FOXN3: variants seen among roughly 807,000 people sequenced by gnomAD.
FOXN3 encodes the protein forkhead box protein N3.
A neutral mutation model predicts 38.4 loss-of-function variants in FOXN3; 7 were observed. The observed-to-expected ratio is 0.18, with a 90% CI of 0.10 to 0.34. FOXN3 has a LOEUF of 0.34. FOXN3 is among the 10% of genes least tolerant of loss of function. The pLI is 1.00. For missense variants in FOXN3, 456 were observed against 613.4 expected, an observed-to-expected ratio of 0.74 and a Z score of 2.71; for synonymous variants, 230 against 242.2, an observed-to-expected ratio of 0.95 and a Z score of 0.47.
At chr14:89,468,136 T>C (rs1893018528) in intron 1 of FOXN3, among the ~76,000 whole-genome samples, 1 of 151,846 alleles carries the variant, frequency 6.6e-6, no homozygotes, top group Non-Finnish European at 1.5e-5. Context: ...CTTCAGGCAA[T>C]AAGCAAAGTT....
intron 1 of FOXN3, among the ~76,000 whole-genome samples, chr14:89,614,515 C>T (rs1296470989): frequency 3.3e-5 from 5 of 152,180 alleles, no homozygotes; most frequent in Non-Finnish European, 7.3e-5. Context: ...TTCCTGCTCA[C>T]TATGAGCACA....
At chr14:89,423,657 G>T (rs571573700) in intron 1 of FOXN3, among the ~76,000 whole-genome samples, 4 of 152,080 alleles carry the variant, frequency 2.6e-5, no homozygotes, top group Admixed American at 6.6e-5. Flanking sequence ...ATGAAAAGAC[G>T]CTCAAAACTG....
intron 4 of FOXN3, among the ~76,000 whole-genome samples, chr14:89,188,999 T>G (rs8006704): frequency 6.6e-4 from 101 of 152,182 alleles, no homozygotes; most frequent in African/African-American, 2.2e-3. Context: ...CAGCCCAACA[T>G]TGCAATGGCT....
At chr14:89,434,760 C>G (rs1892239117) in intron 1 of FOXN3, among the ~76,000 whole-genome samples, 1 of 152,166 alleles carries the variant, frequency 6.6e-6, no homozygotes, top group Admixed American at 6.6e-5. Context: ...CCTACTACCA[C>G]AAGGACAAAA....
intron 1 of FOXN3, among the ~76,000 whole-genome samples, chr14:89,575,838 C>T (rs906619317): frequency 2.0e-5 from 3 of 152,238 alleles, no homozygotes; most frequent in African/African-American, 7.2e-5. Flanking sequence ...GCTCCCAATG[C>T]TGGGCTGGGG....
intron 1 of FOXN3, among the ~76,000 whole-genome samples, chr14:89,471,311 A>G (rs2139745153): frequency 6.6e-6 from 1 of 152,270 alleles, no homozygotes; most frequent in South Asian, 2.1e-4. Context: ...GATGTAAAGA[A>G]TTCTCCTGGG....
chr14:89,288,760 ATATATATATG>A (rs1254885045), intron 3 of FOXN3, among the ~76,000 whole-genome samples: 25 of 88,762 alleles, frequency 2.8e-4, no homozygotes, highest in African/African-American at 9.7e-4. Flanking sequence ...ATATATATAT[ATATATATATG>A]CTTGCACTGG....
chr14:89,161,276 G>C lies in FOXN3; in HGVS notation c.*1138C>G, dbSNP rs535786672. 6.6e-6 allele frequency: 1 copy of C among 152,278 alleles called. No individual in the cohort carries two copies. The highest frequency in any genetic ancestry group is 6.6e-5 in the Admixed American group (1 of 15,254). The allele number at this position is 152,278 out of a possible 1,614,324, so 9.4% of individuals were successfully genotyped here. ...CAAACTCCATTTTGAGGGCAGTATA[G>C]GAGTTATTTTATTTTTTGCCATGTT... On this transcript the variant is annotated 3_prime_UTR_variant, in exon 6 of 6. Coordinates refer to ENST00000557258, the MANE Select transcript of FOXN3 (RefSeq NM_005197.4).
intron 5 of FOXN3, among the ~76,000 whole-genome samples, chr14:89,172,464 G>T (rs1481875567): frequency 1.3e-5 from 2 of 152,202 alleles, no homozygotes; most frequent in East Asian, 1.9e-4. Context: ...ATAATAGGGT[G>T]TCTTTTCTTT....
chr14:89,307,585 T>C (rs1011973597), intron 3 of FOXN3, among the ~76,000 whole-genome samples: 16 of 152,214 alleles, frequency 1.1e-4, no homozygotes, highest in African/African-American at 3.9e-4. Flanking sequence ...AAAGGTCTCT[T>C]TGCTTTTGCT....
chr14:89,220,490 T>C (rs976335016), intron 4 of FOXN3, among the ~76,000 whole-genome samples: 1 of 152,222 alleles, frequency 6.6e-6, no homozygotes, highest in African/African-American at 2.4e-5. Flanking sequence ...CAATGCAAGC[T>C]GTGTGCTGGT....
intron 4 of FOXN3, among the ~76,000 whole-genome samples, chr14:89,211,204 A>G (rs1022236191): frequency 6.6e-6 from 1 of 152,254 alleles, no homozygotes; most frequent in African/African-American, 2.4e-5. Context: ...CTGAGCCCAG[A>G]TTCAAAGCAA....
In FOXN3 at chr14:89,280,806, C is replaced by T. The variant is rs1055512779; in HGVS notation, c.745+144G>A. ...AATAAAGAGAACTGGACAAATAGTCCCCACCCACAACAGTCACACTTCTCC... is the reference window on the plus strand; with the variant it reads ...AATAAAGAGAACTGGACAAATAGTCTCCACCCACAACAGTCACACTTCTCC... On this transcript the variant is annotated intron_variant, in intron 4 of 5. Coordinates refer to ENST00000557258, the MANE Select transcript of FOXN3 (RefSeq NM_005197.4). 9.5e-6 allele frequency: 6 copies of T among 630,996 alleles called. No individual in the cohort carries two copies. The African/African-American group carries it at 1.1e-4, about 12-fold the overall frequency. The allele number at this position is 630,996 out of a possible 1,614,324, so 39.1% of individuals were successfully genotyped here. A position where few individuals can be genotyped will look rare whatever the true frequency, so the allele number is the denominator to read the frequency against.
At chr14:89,354,607 C>G (rs1889129128) in intron 2 of FOXN3, among the ~76,000 whole-genome samples, 1 of 149,176 alleles carries the variant, frequency 6.7e-6, no homozygotes, top group Admixed American at 6.6e-5. Flanking sequence ...GTAATCCCAG[C>G]ACTTTGGGAG....
intron 1 of FOXN3, among the ~76,000 whole-genome samples, chr14:89,518,923 G>A (rs1292965602): frequency 6.6e-6 from 1 of 152,218 alleles, no homozygotes; most frequent in East Asian, 1.9e-4. Flanking sequence ...GCTGAGGCAG[G>A]AGAATCGCTT....
chr14:89,465,697 G>C (rs1403665098), intron 1 of FOXN3, among the ~76,000 whole-genome samples: 1 of 152,170 alleles, frequency 6.6e-6, no homozygotes, highest in African/African-American at 2.4e-5. Context: ...CCTCCAACTT[G>C]AGCTATTTAT....
intron 4 of FOXN3, among the ~76,000 whole-genome samples, chr14:89,181,685 C>T (rs868510275): frequency 6.6e-6 from 1 of 152,232 alleles, no homozygotes; most frequent in Non-Finnish European, 1.5e-5. Flanking sequence ...CCAAGATCTC[C>T]ACACCAGCCT....
At chr14:89,532,756 T>A (rs1187625911) in intron 1 of FOXN3, among the ~76,000 whole-genome samples, 1 of 152,204 alleles carries the variant, frequency 6.6e-6, no homozygotes, top group Non-Finnish European at 1.5e-5. Flanking sequence ...AACCAGATGA[T>A]TATTTTGAAT....
intron 1 of FOXN3, among the ~76,000 whole-genome samples, chr14:89,515,787 C>T (rs749233921): frequency 2.6e-5 from 4 of 152,024 alleles, no homozygotes; most frequent in Admixed American, 6.6e-5. Flanking sequence ...ATTAAAATAA[C>T]GTGTATGGAA....
Sources: allele counts gnomAD v4.1 joint callset (sites outside exome capture counted in the v4.1 genomes callset), GRCh38; gene constraint gnomAD v4.1.1; transcripts MANE v1.5; gene names NCBI Gene and HGNC (gene_info 2026-07-23, HGNC 2026-07-21).